ADAMTS17: variants seen among roughly 807,000 people sequenced by gnomAD.
ADAMTS17 encodes the protein A disintegrin and metalloproteinase with thrombospondin motifs 17.
A neutral mutation model predicts 141.5 loss-of-function variants in ADAMTS17; 113 were observed. The ratio of observed to expected loss-of-function variants is 0.80; its 90% confidence interval spans 0.69 to 0.93. ADAMTS17 has a LOEUF of 0.93. ADAMTS17 is among the 40% of genes least tolerant of loss of function. The pLI is 0.00. For synonymous variants in ADAMTS17, 768 were observed against 630.6 expected (o/e 1.22, Z -3.27); for missense variants, 1,659 against 1,517.9 (o/e 1.09, Z -1.54).
chr15:100,332,967 CCTCA>C (rs902891045), intron 2 of ADAMTS17, among the ~76,000 whole-genome samples: 4 of 152,144 alleles, frequency 2.6e-5, no homozygotes, highest in South Asian at 2.1e-4. Flanking sequence ...CCTCCTCCTC[CCTCA>C]CTGTCTCACT....
intron 3 of ADAMTS17, among the ~76,000 whole-genome samples, chr15:100,326,125 C>A (rs1330069156): frequency 2.0e-5 from 3 of 152,296 alleles, no homozygotes; most frequent in Non-Finnish European, 2.9e-5. Context: ...TGCGCCTCTA[C>A]CATGGTTCTT....
intron 15 of ADAMTS17, among the ~76,000 whole-genome samples, chr15:100,083,929 G>A (rs1334797876): frequency 2.6e-5 from 4 of 151,996 alleles, no homozygotes; most frequent in East Asian, 1.9e-4. Context: ...TGAAGAAGAC[G>A]GGTGATTTCT....
At chr15:100,024,171 C>G (rs1389721094) in intron 18 of ADAMTS17, among the ~76,000 whole-genome samples, 1 of 152,194 alleles carries the variant, frequency 6.6e-6, no homozygotes, top group Non-Finnish European at 1.5e-5. Context: ...CAGCTCAGTA[C>G]AGCCTCGAAC....
At position 100,018,153 on chromosome 15, in the gene ADAMTS17, C is replaced by T. The variant is rs1050784133; in HGVS notation, c.2592-20564G>A. On this transcript the variant is annotated intron_variant, in intron 18 of 21. Coordinates refer to ENST00000268070, the MANE Select transcript of ADAMTS17 (RefSeq NM_139057.4). ...CACTACTCTAGATGCCTTATATAAGCGGAATCATACAGTATTGTCCTTCTG... is the reference window on the plus strand; with the variant it reads ...CACTACTCTAGATGCCTTATATAAGTGGAATCATACAGTATTGTCCTTCTG... Among the ~76,000 whole-genome samples, 10 of 150,954 alleles carry T rather than the reference C, an allele frequency of 6.6e-5. 1 individual carries two copies. Among genetic ancestry groups the T allele is most frequent in the South Asian group, 6.2e-4 (3 of 4,808 alleles).
intron 6 of ADAMTS17, among the ~76,000 whole-genome samples, chr15:100,260,270 G>A (rs1353267895): frequency 6.6e-6 from 1 of 152,188 alleles, no homozygotes; most frequent in Non-Finnish European, 1.5e-5. Context: ...CCTGAGAAAT[G>A]CAACCAAAAG....
At chr15:100,214,668 C>A (rs114731403) in intron 7 of ADAMTS17, among the ~76,000 whole-genome samples, 1 of 152,208 alleles carries the variant, frequency 6.6e-6, no homozygotes, top group Admixed American at 6.5e-5. Context: ...CCTGGCCATG[C>A]TCTATTCTTC....
chr15:100,186,484 C>G (rs543081196), intron 8 of ADAMTS17, among the ~76,000 whole-genome samples: 9 of 152,202 alleles, frequency 5.9e-5, no homozygotes, highest in Admixed American at 6.5e-5. Flanking sequence ...TGCCGCATAC[C>G]CTTTTCCCTC....
intron 3 of ADAMTS17, among the ~76,000 whole-genome samples, chr15:100,283,027 T>C (rs2044334573): frequency 6.6e-6 from 1 of 151,652 alleles, no homozygotes; most frequent in Admixed American, 6.6e-5. Flanking sequence ...TTTCCAGATT[T>C]ATATAATATG....
intron 7 of ADAMTS17, among the ~76,000 whole-genome samples, chr15:100,214,183 C>T (rs921482820): frequency 1.3e-5 from 2 of 152,198 alleles, no homozygotes; most frequent in Non-Finnish European, 2.9e-5. Context: ...ACCCCACCGT[C>T]TCCCCCTTCA....
At chr15:100,026,884 A>G (rs2061524953) in intron 18 of ADAMTS17, among the ~76,000 whole-genome samples, 1 of 152,212 alleles carries the variant, frequency 6.6e-6, no homozygotes, top group African/African-American at 2.4e-5. Context: ...AGATTTCCAA[A>G]GTGGTTATGC....
rs547591738 is a variant in ADAMTS17, at chr15:100,275,643, C to T, written c.789+5586G>A. Among the ~76,000 whole-genome samples, 4 of 152,224 alleles carry T rather than the reference C, an allele frequency of 2.6e-5. No individual in the cohort carries two copies. In the South Asian group the frequency reaches 6.2e-4, roughly 24 times the overall value. ...CAGGCTCTGCACCCTGGCTGTGTCACGTCCCCAAGCCTCCATTTCCTTCTC... is the reference window on the plus strand; with the variant it reads ...CAGGCTCTGCACCCTGGCTGTGTCATGTCCCCAAGCCTCCATTTCCTTCTC... On this transcript the variant is annotated intron_variant, in intron 4 of 21. Coordinates refer to ENST00000268070, the MANE Select transcript of ADAMTS17 (RefSeq NM_139057.4).
At chr15:100,108,809 C>A (rs771143063) in intron 14 of ADAMTS17, among the ~76,000 whole-genome samples, 180 bp downstream of exon 14, 1 of 152,196 alleles carries the variant, frequency 6.6e-6, no homozygotes, top group African/African-American at 2.4e-5. Context: ...TCAGTCATTA[C>A]TGAGCTAGGG....
At chr15:100,146,148 G>C (rs2038893210) in intron 10 of ADAMTS17, among the ~76,000 whole-genome samples, 1 of 152,178 alleles carries the variant, frequency 6.6e-6, no homozygotes, top group South Asian at 2.1e-4. Flanking sequence ...ACTGCAGCCT[G>C]GGCGACAAGA....
intron 3 of ADAMTS17, among the ~76,000 whole-genome samples, chr15:100,293,925 T>C (rs1223341253): frequency 6.6e-6 from 1 of 152,148 alleles, no homozygotes; most frequent in Admixed American, 6.5e-5. Flanking sequence ...TTCCTCCACC[T>C]AAAAGGGAGG....
At chr15:100,083,561 T>C (rs1444025313) in intron 15 of ADAMTS17, among the ~76,000 whole-genome samples, 1 of 152,058 alleles carries the variant, frequency 6.6e-6, no homozygotes, top group Non-Finnish European at 1.5e-5. Context: ...AGTCAGAAAG[T>C]TTAGCAGTGT....
chr15:100,108,575 T>G (rs2036549382), intron 14 of ADAMTS17, among the ~76,000 whole-genome samples: 1 of 152,210 alleles, frequency 6.6e-6, no homozygotes, highest in Non-Finnish European at 1.5e-5. Flanking sequence ...GGATGCTCCC[T>G]GACAGCTGGG....
intron 7 of ADAMTS17, among the ~76,000 whole-genome samples, chr15:100,226,247 C>A (rs1177871688): frequency 6.6e-6 from 1 of 152,226 alleles, no homozygotes; most frequent in Non-Finnish European, 1.5e-5. Context: ...GTCAGCCCAG[C>A]CAGAGAGGTT....
At chr15:100,162,890 GTA>G (rs1375448649) in intron 8 of ADAMTS17, among the ~76,000 whole-genome samples, 5 of 143,762 alleles carry the variant, frequency 3.5e-5, no homozygotes, top group Non-Finnish European at 3.0e-5. Flanking sequence ...ATATATATGT[GTA>G]TATAGAACTA....
chr15:99,990,051 G>C (rs1323393487), intron 20 of ADAMTS17, among the ~76,000 whole-genome samples: 9 of 152,162 alleles, frequency 5.9e-5, no homozygotes, highest in Non-Finnish European at 1.5e-5. Context: ...ATGGTTCGAA[G>C]TGCATCTTTC....
Sources: allele counts gnomAD v4.1 joint callset (sites outside exome capture counted in the v4.1 genomes callset), GRCh38; gene constraint gnomAD v4.1.1; transcripts MANE v1.5; gene names NCBI Gene and HGNC (gene_info 2026-07-23, HGNC 2026-07-21).